DOK6: variants seen among roughly 807,000 people sequenced by gnomAD.
The protein encoded by DOK6 is downstream of tyrosine kinase 6.
Under a neutral mutation model 44.0 loss-of-function variants are expected in DOK6, and 22 were observed. The observed-to-expected ratio is 0.50, with a 90% CI of 0.36 to 0.71. DOK6 has a LOEUF of 0.71. DOK6 is among the 30% of genes least tolerant of loss of function. The pLI is 0.00. For missense variants in DOK6, 340 were observed against 416.4 expected (o/e 0.82, Z 1.60); for synonymous variants, 166 against 145.5 (o/e 1.14, Z -1.01).
chr18:69,748,886 C>T (rs1979075157), intron 6 of DOK6, among the ~76,000 whole-genome samples: 1 of 152,074 alleles, frequency 6.6e-6, no homozygotes, highest in African/African-American at 2.4e-5. Context: ...TTCACAATAG[C>T]AAATACATGG....
chr18:69,556,381 A>G (rs903056660), intron 1 of DOK6, among the ~76,000 whole-genome samples: 2 of 152,098 alleles, frequency 1.3e-5, no homozygotes, highest in Non-Finnish European at 2.9e-5. Context: ...TGCTGCTCCT[A>G]AAAATCTCCC....
chr18:69,584,179 G>A (rs1379501537), intron 2 of DOK6, among the ~76,000 whole-genome samples: 4 of 151,408 alleles, frequency 2.6e-5, no homozygotes, highest in African/African-American at 9.7e-5. Flanking sequence ...TGTTAAAACA[G>A]TATCAAACGA....
At chr18:69,693,756 T>A (rs1384456177) in intron 4 of DOK6, among the ~76,000 whole-genome samples, 2 of 152,044 alleles carry the variant, frequency 1.3e-5, no homozygotes, top group African/African-American at 4.8e-5. Flanking sequence ...GATTTGTTCC[T>A]GCATAAAATA....
At chr18:69,498,771 G>A (rs2144546546) in intron 1 of DOK6, among the ~76,000 whole-genome samples, 1 of 152,272 alleles carries the variant, frequency 6.6e-6, no homozygotes, top group East Asian at 1.9e-4. Context: ...AACAGGGCAA[G>A]GGCACTCTCT....
At chr18:69,715,539 G>T (rs1213748291) in intron 5 of DOK6, among the ~76,000 whole-genome samples, 3 of 152,238 alleles carry the variant, frequency 2.0e-5, no homozygotes, top group Non-Finnish European at 4.4e-5. Context: ...GCACCCTGTT[G>T]CATGACAGAG....
intron 3 of DOK6, among the ~76,000 whole-genome samples, chr18:69,602,929 G>C (rs1168314669): frequency 1.3e-5 from 2 of 152,176 alleles, no homozygotes; most frequent in East Asian, 3.9e-4. Flanking sequence ...ATGATGAAGT[G>C]ATATTCATTA....
intron 3 of DOK6, among the ~76,000 whole-genome samples, chr18:69,667,386 C>T (rs1985687130): frequency 6.6e-6 from 1 of 152,198 alleles, no homozygotes; most frequent in Non-Finnish European, 1.5e-5. Flanking sequence ...TGTTTCTCTT[C>T]TCTCCTGCTT....
intron 1 of DOK6, among the ~76,000 whole-genome samples, chr18:69,493,492 G>A (rs947667681): frequency 6.6e-6 from 1 of 151,732 alleles, no homozygotes. Context: ...TCTGGGAGTG[G>A]AACACCATAA....
intron 3 of DOK6, among the ~76,000 whole-genome samples, chr18:69,671,313 T>C (rs1328632141): frequency 6.6e-6 from 1 of 152,200 alleles, no homozygotes; most frequent in East Asian, 1.9e-4. Flanking sequence ...CTCTATTGAG[T>C]CCAGAAAGTT....
chr18:69,794,236 C>A (rs1980680658), intron 7 of DOK6, among the ~76,000 whole-genome samples: 1 of 152,142 alleles, frequency 6.6e-6, no homozygotes, highest in South Asian at 2.1e-4. Flanking sequence ...TTCAGTTATA[C>A]ATAATTCTAT....
intron 2 of DOK6, among the ~76,000 whole-genome samples, chr18:69,589,762 T>G (rs1983583511): frequency 6.6e-6 from 1 of 152,124 alleles, no homozygotes; most frequent in South Asian, 2.1e-4. Context: ...GTTTTTAAAA[T>G]GCACAGTTAA....
intron 7 of DOK6, among the ~76,000 whole-genome samples, chr18:69,783,522 G>A (rs1980339799): frequency 6.6e-6 from 1 of 152,158 alleles, no homozygotes; most frequent in East Asian, 1.9e-4. Context: ...GCATTGGGCA[G>A]CATTGTTCTG....
intron 3 of DOK6, among the ~76,000 whole-genome samples, chr18:69,625,853 C>A (rs1427822946): frequency 6.6e-6 from 1 of 152,092 alleles, no homozygotes; most frequent in East Asian, 1.9e-4. Flanking sequence ...CGGTTTAATG[C>A]ATAAATATTA....
chr18:69,625,680 C>T (rs988183077), intron 3 of DOK6, among the ~76,000 whole-genome samples: 8 of 151,692 alleles, frequency 5.3e-5, no homozygotes, highest in African/African-American at 2.0e-4. Flanking sequence ...TAAGTATTTC[C>T]CATGTCAGCA....
chr18:69,429,410 AT>A (rs1222158424), intron 1 of DOK6, among the ~76,000 whole-genome samples: 5 of 151,836 alleles, frequency 3.3e-5, no homozygotes, highest in Non-Finnish European at 7.4e-5. Flanking sequence ...GAATTTAAAA[AT>A]GATTGGCTTT....
chr18:69,691,114 C>T (rs1054743459), intron 4 of DOK6, among the ~76,000 whole-genome samples: 9 of 151,532 alleles, frequency 5.9e-5, no homozygotes, highest in Admixed American at 3.9e-4. Flanking sequence ...CCTCAGGAGG[C>T]GGAGGTTGCA....
chr18:69,712,647 C>A (rs891942114), intron 5 of DOK6, among the ~76,000 whole-genome samples: 2 of 152,098 alleles, frequency 1.3e-5, no homozygotes, highest in Non-Finnish European at 2.9e-5. Flanking sequence ...GAATTTGAGA[C>A]CAGCCTGGCC....
At chr18:69,780,069 A>G (rs1980214602) in intron 7 of DOK6, among the ~76,000 whole-genome samples, 1 of 152,188 alleles carries the variant, frequency 6.6e-6, no homozygotes, top group Non-Finnish European at 1.5e-5. Flanking sequence ...ACATTTGAGA[A>G]AACAAAAATT....
intron 5 of DOK6, among the ~76,000 whole-genome samples, chr18:69,705,576 G>A (rs769912423): frequency 1.3e-4 from 20 of 152,274 alleles, no homozygotes; most frequent in Non-Finnish European, 2.6e-4. Flanking sequence ...TTTTTACCTT[G>A]ACATACCTTA....
Sources: gnomAD v4.1 joint callset for allele counts (sites outside exome capture counted in the v4.1 genomes callset) on GRCh38, gnomAD v4.1.1 for gene constraint, MANE v1.5 for transcripts, NCBI Gene and HGNC (gene_info 2026-07-23, HGNC 2026-07-21) for gene names.